The following PBRM1 variants were observed in gnomAD, a reference collection of about 807,000 sequenced individuals.
PBRM1 encodes protein polybromo-1.
A neutral mutation model predicts 194.5 loss-of-function variants in PBRM1; 27 were observed. That is an observed-to-expected ratio of 0.14 (90% CI 0.10 to 0.19). The LOEUF is 0.19. PBRM1 is among the 10% of genes least tolerant of loss of function. The pLI is 1.00. For missense variants in PBRM1, 1,466 were observed against 2,077.2 expected, an observed-to-expected ratio of 0.71 and a Z score of 5.72; for synonymous variants, 655 against 693.2, an observed-to-expected ratio of 0.94 and a Z score of 0.87.
chr3:52,586,520 C>G (rs201156614), exon 20 of PBRM1: 1 of 1,613,902 alleles, frequency 6.2e-7, no homozygotes, highest in South Asian at 1.1e-5. Flanking sequence ...AATACAGAGG[C>G]CACGCGAACC....
intron 16 of PBRM1, among the ~76,000 whole-genome samples, chr3:52,605,221 A>AT (rs1367258923): frequency 6.6e-6 from 1 of 152,050 alleles, no homozygotes; most frequent in Non-Finnish European, 1.5e-5. Flanking sequence ...TAATTTTAAA[A>AT]TTTTTTGTAG....
Position 52,575,593 on chromosome 3 carries a change from AGCCTCTGCCTCT to A in PBRM1, c.3691+936_3691+947del, listed in dbSNP as rs141752554. 1.2e-3 allele frequency among the ~76,000 whole-genome samples: 166 copies of A among 140,882 alleles called. 2 individuals are homozygous for A. Among genetic ancestry groups the A allele is most frequent in the African/African-American group, 3.1e-3 (115 of 37,202 alleles). The allele number at this position is 140,882 out of a possible 152,430, so 92.4% of individuals were successfully genotyped here. A position where few individuals can be genotyped will look rare whatever the true frequency, so the allele number is the denominator to read the frequency against. On this transcript the variant is annotated intron_variant, in intron 22 of 29. Transcript: ENST00000296302. The stretch of plus-strand genomic sequence containing the variant: ...CAGTGGCGTGATCTTGGCTCACTGC[AGCCTCTGCCTCT>A]GCCTCTGCCTCTGCCTCAGCCTCCA...
At chr3:52,584,214 T>C (rs890209421) in intron 20 of PBRM1, among the ~76,000 whole-genome samples, 2 of 152,108 alleles carry the variant, frequency 1.3e-5, no homozygotes, top group African/African-American at 4.8e-5. Context: ...ATATATTCCT[T>C]GTTAAGGTTA....
rs2093563776 is a variant in PBRM1 at position 52,596,458 on chromosome 3, A to T, written c.2779+7063T>A. Among the ~76,000 whole-genome samples the T allele has an allele frequency of 3.0e-5, 2 of 67,100 alleles. 1 individual carries two copies. The highest frequency in any genetic ancestry group is 1.2e-4 in the African/African-American group (2 of 16,292). 44.0% of individuals were successfully genotyped at this position (67,100 alleles called of 152,430 possible). On this transcript the variant is annotated intron_variant, in intron 17 of 29. Transcript: ENST00000296302. ...TCTCAAAAAAAAAAAAAAAAAAAAA[A>T]AAAAAAAAAAAAAAAAAAAAAAGAA... is the stretch of plus-strand genomic sequence containing the variant.
At chr3:52,662,051 A>T in intron 4 of PBRM1, 82 bp downstream of exon 5, 1 of 1,412,036 alleles carries the variant, frequency 7.1e-7, no homozygotes, top group Non-Finnish European at 9.7e-7. Flanking sequence ...AGTTGCCCAC[A>T]ACAGCCCAGA....
At chr3:52,674,609 G>A (rs994988994) in intron 2 of PBRM1, among the ~76,000 whole-genome samples, 6 of 136,768 alleles carry the variant, frequency 4.4e-5, no homozygotes, top group African/African-American at 1.7e-4. Flanking sequence ...GGGCAACACA[G>A]GGAAACCCTG....
intron 5 of PBRM1, among the ~76,000 whole-genome samples, chr3:52,655,456 T>C (rs2096591611): frequency 6.6e-6 from 1 of 152,222 alleles, no homozygotes; most frequent in African/African-American, 2.4e-5. Flanking sequence ...ATGTCACATA[T>C]ACATTCATTC....
chr3:52,608,285 G>C (rs568100868), intron 16 of PBRM1, among the ~76,000 whole-genome samples: 2 of 152,144 alleles, frequency 1.3e-5, no homozygotes, highest in Non-Finnish European at 2.9e-5. Flanking sequence ...TTTACTAGTT[G>C]TAAGACTATG....
In PBRM1 at chr3:52,628,875, CA is replaced by C; in HGVS notation, c.1443+18del. The C allele has an allele frequency of 6.2e-7, 1 of 1,611,980 alleles. No homozygotes were observed. Among genetic ancestry groups the C allele is most frequent in the Non-Finnish European group, 8.5e-7 (1 of 1,178,702 alleles). ...TTAATCATATATACAACAAACTCAGCAAAAACAATAAATCACACCTGCATAA... is the reference window on the plus strand; with the variant it reads ...TTAATCATATATACAACAAACTCAGCAAAACAATAAATCACACCTGCATAA... On this transcript the variant is annotated intron_variant, in intron 12 of 29. Coordinates refer to ENST00000296302, the Ensembl canonical transcript of PBRM1.
At chr3:52,564,011 T>C in intron 23 of PBRM1, 39 bp downstream of exon 25, 1 of 1,411,042 alleles carries the variant, frequency 7.1e-7, no homozygotes, top group African/African-American at 1.4e-5. Context: ...TATCAGTTAA[T>C]GGAAGTGCTC....
In PBRM1 at chr3:52,609,216, T is replaced by C. The variant is rs2094495201; in HGVS notation, c.2567+97A>G. On this transcript the variant is annotated intron_variant, in intron 16 of 29. Transcript: ENST00000296302. The surrounding 1 kb of genome is among the most constrained non-coding windows in gnomAD (Gnocchi z 4.1). The stretch of plus-strand genomic sequence containing the variant: ...AGCATGCTACCAACTACAAATCATG[T>C]ATGTAAGTGGAAATAGTACATCAAA... 20 of 927,450 alleles carry C rather than the reference T, an allele frequency of 2.2e-5. No individual in the cohort carries two copies. In the East Asian group the frequency reaches 4.9e-4, roughly 23 times the overall value. 57.5% of individuals were successfully genotyped at this position (927,450 alleles called of 1,614,324 possible). A position where few individuals can be genotyped will look rare whatever the true frequency, so the allele number is the denominator to read the frequency against.
chr3:52,630,511 T>C (rs2095583960), intron 11 of PBRM1, among the ~76,000 whole-genome samples: 1 of 152,224 alleles, frequency 6.6e-6, no homozygotes, highest in African/African-American at 2.4e-5. Context: ...GGAATATTGA[T>C]AATAAAACAT....
chr3:52,667,535 T>G (rs1183777340), intron 3 of PBRM1, among the ~76,000 whole-genome samples: 2 of 151,988 alleles, frequency 1.3e-5, no homozygotes, highest in Non-Finnish European at 2.9e-5. Flanking sequence ...GGTGGATCAC[T>G]TGAGGTCAGG....
chr3:52,639,734 ATT>A (rs59775901), intron 10 of PBRM1, among the ~76,000 whole-genome samples: 20 of 141,078 alleles, frequency 1.4e-4, no homozygotes, highest in East Asian at 2.1e-4. Context: ...TGCCTTAAAA[ATT>A]TTTTTTTTTT....
chr3:52,603,404 ATAG>A, intron 17 of PBRM1, 114 bp downstream of exon 19: 1 of 1,017,606 alleles, frequency 9.8e-7, no homozygotes, highest in South Asian at 1.7e-5. Context: ...CTACTCTAAT[ATAG>A]TCAATACCCT....
intron 20 of PBRM1, among the ~76,000 whole-genome samples, chr3:52,582,488 C>A (rs563668694): frequency 6.7e-6 from 1 of 148,218 alleles, no homozygotes; most frequent in East Asian, 2.1e-4. Flanking sequence ...CAGCTCACTG[C>A]AGCCTCCACC....
chr3:52,656,151 T>C (rs1387170922), intron 5 of PBRM1, among the ~76,000 whole-genome samples: 3 of 152,214 alleles, frequency 2.0e-5, no homozygotes, highest in Admixed American at 6.5e-5. Context: ...AATCTATATG[T>C]TAATTATCTT....
At chr3:52,566,700 T>G (rs1002277981) in intron 22 of PBRM1, among the ~76,000 whole-genome samples, 7 of 152,136 alleles carry the variant, frequency 4.6e-5, no homozygotes, top group Non-Finnish European at 7.4e-5. Context: ...AAGTTTTTAT[T>G]TGGGATAATG....
chr3:52,634,048 T>G (rs1051820729), intron 11 of PBRM1, among the ~76,000 whole-genome samples: 2 of 152,196 alleles, frequency 1.3e-5, no homozygotes, highest in Non-Finnish European at 2.9e-5. Context: ...GTTTCAACTA[T>G]AGATACATAA....
Sources: allele counts gnomAD v4.1 joint callset (sites outside exome capture counted in the v4.1 genomes callset), GRCh38; gene constraint gnomAD v4.1.1; non-coding constraint Gnocchi (gnomAD v3.1); transcripts MANE v1.5; gene names NCBI Gene and HGNC (gene_info 2026-07-23, HGNC 2026-07-21).